Variants in KIFC3 observed in about 807,000 individuals in gnomAD.
KIFC3 encodes kinesin-like protein KIFC3.
A neutral mutation model predicts 101.8 loss-of-function variants in KIFC3; 60 were observed. The observed-to-expected ratio is 0.59, with a 90% CI of 0.48 to 0.73. The LOEUF (loss-of-function observed/expected upper bound fraction) is 0.73, where lower values mean the gene tolerates loss of function less well. Among genes scored for constraint, KIFC3 ranks in the 30% least tolerant of loss-of-function variants. KIFC3 has a pLI of 0.00. For synonymous variants in KIFC3, 476 were observed against 482.7 expected (o/e 0.99, Z 0.18); for missense variants, 966 against 1,137.1 (o/e 0.85, Z 2.16).
At chr16:57,804,484 T>C (rs373077654), upstream of KIFC3, among the ~76,000 whole-genome samples, 2 of 152,232 alleles carry the variant, frequency 1.3e-5, no homozygotes, top group Non-Finnish European at 1.5e-5. Flanking sequence ...TAACAACTTA[T>C]TAAGATCAAA....
At chr16:57,820,152 C>T (rs1555629660) in intron 1 of KIFC3, among the ~76,000 whole-genome samples, 1 of 152,236 alleles carries the variant, frequency 6.6e-6, no homozygotes, top group African/African-American at 2.4e-5. Flanking sequence ...AGCCATTGCA[C>T]CCGGCTACCT....
chr16:57,836,758 C>G (rs2055696658), intron 1 of KIFC3, among the ~76,000 whole-genome samples: 2 of 151,332 alleles, frequency 1.3e-5, no homozygotes, highest in Admixed American at 1.3e-4. Context: ...GTGGTGCCAT[C>G]ATAGCTCACT....
chr16:57,815,597 C>T (rs1555628612), intron 1 of KIFC3: 5 of 1,289,762 alleles, frequency 3.9e-6, no homozygotes, highest in Non-Finnish European at 5.1e-6. Context: ...GCTGGGGGTG[C>T]CCCCACATGG....
intron 3 of KIFC3, chr16:57,775,321 C>A (rs2051899287): frequency 8.4e-7 from 1 of 1,191,302 alleles, no homozygotes; most frequent in South Asian, 3.5e-5. Flanking sequence ...GGCAGCAAAG[C>A]AGGGGGAATG....
At chr16:57,799,505 T>C (rs575418799) in intron 1 of KIFC3, among the ~76,000 whole-genome samples, 159 of 152,250 alleles carry the variant, frequency 1.0e-3, no homozygotes, top group Non-Finnish European at 2.1e-3. Context: ...ACATTCATGT[T>C]TGCAGCCCCA....
At chr16:57,801,745 G>C (rs1397105175) in intron 1 of KIFC3, among the ~76,000 whole-genome samples, 1 of 152,220 alleles carries the variant, frequency 6.6e-6, no homozygotes, top group Admixed American at 6.5e-5. Context: ...CCAGGACCAG[G>C]CCCTTCACTG....
chr16:57,803,037 A>ACGCTCT, upstream of KIFC3: 1 of 1,535,838 alleles, frequency 6.5e-7, no homozygotes, highest in Non-Finnish European at 8.7e-7. Flanking sequence ...TACAGCGCAC[A>ACGCTCT]CGCTCTCACT....
intron 2 of KIFC3, among the ~76,000 whole-genome samples, chr16:57,797,333 A>C (rs1186938472): frequency 6.6e-6 from 1 of 152,152 alleles, no homozygotes; most frequent in East Asian, 1.9e-4. Flanking sequence ...TCTCCCCCAC[A>C]CTACCAGGGC....
intron 17 of KIFC3, 120 bp from the exon 18 acceptor site, chr16:57,759,956 G>A (rs1013231787): frequency 3.5e-5 from 25 of 710,514 alleles, no homozygotes; most frequent in Non-Finnish European, 5.3e-5. Flanking sequence ...TCTGCAAAAT[G>A]GGCATGATGT....
chr16:57,799,119 T>C (rs1399560640), intron 1 of KIFC3, among the ~76,000 whole-genome samples: 4 of 152,144 alleles, frequency 2.6e-5, no homozygotes, highest in Non-Finnish European at 1.5e-5. Flanking sequence ...GCAGAGAGCA[T>C]TGGTCAGGGA....
chr16:57,777,601 A>G (rs1385797437), intron 3 of KIFC3, among the ~76,000 whole-genome samples: 1 of 152,110 alleles, frequency 6.6e-6, no homozygotes, highest in Non-Finnish European at 1.5e-5. Flanking sequence ...GGCGCCTGTA[A>G]TCCCAGCTAC....
intron 1 of KIFC3, among the ~76,000 whole-genome samples, chr16:57,859,491 T>C (rs1359120799): frequency 6.6e-6 from 1 of 152,152 alleles, no homozygotes; most frequent in Non-Finnish European, 1.5e-5. Context: ...ACTAAGGAGA[T>C]ACTAATTATA....
chr16:57,775,623 C>T, intron 3 of KIFC3: 1 of 985,638 alleles, frequency 1.0e-6, no homozygotes, highest in Non-Finnish European at 1.2e-6. Context: ...GCCCTTCACA[C>T]ACTCACCGCA....
At chr16:57,850,465 GT>G (rs373157438) in intron 1 of KIFC3, among the ~76,000 whole-genome samples, 509 of 84,054 alleles carry the variant, frequency 6.1e-3, no homozygotes, top group African/African-American at 0.019. Context: ...TTTAAAAAGG[GT>G]TTTTTTTTTT....
Position 57,795,062 on chromosome 16 carries a change from G to C in KIFC3, c.252C>G (p.Cys84Trp). 6.2e-7 allele frequency: 1 copy of C among 1,605,392 alleles called. No individual in the cohort carries two copies. The highest frequency in any genetic ancestry group is 1.1e-5 in the South Asian group (1 of 90,102). Residue 84 changes from cysteine to tryptophan, a missense_variant, in exon 3 of 20, where the codon TGC (cysteine) becomes TGG (tryptophan). This residue lies in a region of KIFC3 where 277 missense variants were observed against 252.5 expected (regional missense o/e 1.10). Coordinates refer to ENST00000445690, the MANE Select transcript of KIFC3 (RefSeq NM_001130100.2). ...RSAARPALAQ[C>W]RALSVDWAGP... is the part of the protein sequence containing the mutation. The stretch of plus-strand genomic sequence containing the variant: ...CAGCCCAGTCCACGCTAAGGGCTCG[G>C]CACTGAGCTAGGGCTGGGCGAGCTG...
At chr16:57,841,032 T>G (rs1455856511) in intron 1 of KIFC3, among the ~76,000 whole-genome samples, 4 of 152,238 alleles carry the variant, frequency 2.6e-5, no homozygotes, top group African/African-American at 9.6e-5. Flanking sequence ...CAGTCTCTTC[T>G]TCAGCAAATA....
intron 1 of KIFC3, among the ~76,000 whole-genome samples, chr16:57,808,376 G>C (rs1455964959): frequency 6.6e-6 from 1 of 151,422 alleles, no homozygotes; most frequent in African/African-American, 2.4e-5. Context: ...GAAGCCGCCG[G>C]GCTCCTCCTT....
chr16:57,776,461 G>C, intron 3 of KIFC3: 1 of 970,652 alleles, frequency 1.0e-6, no homozygotes, highest in Non-Finnish European at 1.2e-6. Context: ...AGGCTGCCCA[G>C]GTTCTAATCC....
At chr16:57,793,886 T>C (rs554062654) in intron 3 of KIFC3, among the ~76,000 whole-genome samples, 161 of 152,246 alleles carry the variant, frequency 1.1e-3, no homozygotes, top group African/African-American at 3.8e-3. Context: ...GATAAACAAA[T>C]AAACACCAAA....
Sources: allele counts gnomAD v4.1 joint callset (sites outside exome capture counted in the v4.1 genomes callset), GRCh38; gene constraint gnomAD v4.1.1; regional missense constraint gnomAD v4.1.1; transcripts MANE v1.5; gene names NCBI Gene and HGNC (gene_info 2026-07-23, HGNC 2026-07-21).